The following MLLT11 variants were observed in gnomAD, a reference collection of about 807,000 sequenced individuals.
MLLT11 encodes the protein MLLT11 transcription factor 7 cofactor.
A neutral mutation model predicts 5.3 loss-of-function variants in MLLT11; 1 was observed. The observed-to-expected ratio is 0.19, with a 90% CI of 0.07 to 0.89. The LOEUF (loss-of-function observed/expected upper bound fraction) is 0.89, where lower values mean the gene tolerates loss of function less well. MLLT11 is among the 40% of genes least tolerant of loss of function. The pLI, the probability that MLLT11 is intolerant of heterozygous loss-of-function variation, is 0.67. For missense variants in MLLT11, 87 were observed against 107.3 expected (o/e 0.81, Z 0.83); for synonymous variants, 38 against 41.7 (o/e 0.91, Z 0.34).
chr1:151,065,831 G>C (rs1257668034), intron 1 of MLLT11, among the ~76,000 whole-genome samples: 1 of 152,010 alleles, frequency 6.6e-6, no homozygotes, highest in African/African-American at 2.4e-5. Flanking sequence ...GGAGTTTTTT[G>C]TTTGTTTTGT....
chr1:151,062,507 C>T (rs775731738), intron 1 of MLLT11, among the ~76,000 whole-genome samples: 2 of 151,838 alleles, frequency 1.3e-5, no homozygotes, highest in South Asian at 2.1e-4. Flanking sequence ...GGATTATAGG[C>T]GCCTGCCACC....
chr1:151,066,284 C>A (rs1676475710), intron 1 of MLLT11, among the ~76,000 whole-genome samples: 1 of 152,100 alleles, frequency 6.6e-6, no homozygotes, highest in African/African-American at 2.4e-5. Flanking sequence ...ACCACAGGCA[C>A]AAACCACCAT....
chr1:151,061,452 G>T (rs1676406476), intron 1 of MLLT11, among the ~76,000 whole-genome samples: 1 of 152,196 alleles, frequency 6.6e-6, no homozygotes, highest in Non-Finnish European at 1.5e-5. Context: ...TGCTAATCAT[G>T]TATCTCTAAG....
At chr1:151,061,895 CAT>C (rs1280384826) in intron 1 of MLLT11, among the ~76,000 whole-genome samples, 2 of 152,120 alleles carry the variant, frequency 1.3e-5, no homozygotes. Flanking sequence ...GGGTCAATGA[CAT>C]AGAGATTTTA....
intron 1 of MLLT11, among the ~76,000 whole-genome samples, chr1:151,063,802 C>G (rs1200394691): frequency 2.0e-5 from 3 of 152,170 alleles, no homozygotes; most frequent in African/African-American, 7.2e-5. Flanking sequence ...CCTAAAATAT[C>G]AGGCAGGGCT....
At chr1:151,062,193 T>A (rs587681681) in intron 1 of MLLT11, among the ~76,000 whole-genome samples, 136 of 152,242 alleles carry the variant, frequency 8.9e-4, no homozygotes, top group Non-Finnish European at 1.5e-3. Context: ...AATACTGGTA[T>A]AGGGTTATAT....
rs1000895962 is a variant in MLLT11, at chr1:151,061,342, C to T, written c.-7+789C>T. Among the ~76,000 whole-genome samples the T allele has an allele frequency of 2.6e-5, 4 of 152,178 alleles. 1 individual carries two copies. The highest frequency in any genetic ancestry group is 6.6e-5 in the Admixed American group (1 of 15,266). On this transcript the variant is annotated intron_variant, in intron 1 of 1. Coordinates refer to ENST00000368921, the MANE Select transcript of MLLT11 (RefSeq NM_006818.4). ...ATGGTGGCAGCATGACACAGCAAGG[C>T]CCTGTTGAGTAGGCCTTGGATGCCC...
Position 151,067,507 on chromosome 1 carries a change from T to G in MLLT11, c.*10T>G. 1 of 1,611,204 alleles carries G rather than the reference T, an allele frequency of 6.2e-7. No homozygotes were observed. Among genetic ancestry groups the G allele is most frequent in the Non-Finnish European group, 8.5e-7 (1 of 1,178,408 alleles). ...ACTGGACTTGCTCTAAGGCCAAGAC[T>G]TCTCTCTCCCATCACCTTGCCCTCA... is the stretch of plus-strand genomic sequence containing the variant. On this transcript the variant is annotated 3_prime_UTR_variant, in exon 2 of 2. Transcript: ENST00000368921.
At chr1:151,063,705 G>A (rs141435244) in intron 1 of MLLT11, among the ~76,000 whole-genome samples, 7,657 of 152,266 alleles carry the variant, frequency 0.05, 277 homozygotes, top group Non-Finnish European at 0.076. Flanking sequence ...GATTACAGGC[G>A]TAAGCCACCA....
At chr1:151,065,317 C>T (rs981622108) in intron 1 of MLLT11, among the ~76,000 whole-genome samples, 2 of 152,184 alleles carry the variant, frequency 1.3e-5, no homozygotes, top group Non-Finnish European at 2.9e-5. Context: ...TATTTCATAA[C>T]ATTTGCTTTA....
intron 1 of MLLT11, among the ~76,000 whole-genome samples, chr1:151,062,820 T>C (rs969628014): frequency 2.0e-5 from 3 of 152,200 alleles, no homozygotes; most frequent in Non-Finnish European, 2.9e-5. Context: ...ATAACAGTAT[T>C]GACTCCTAGG....
chr1:151,062,965 T>C (rs1171952203), intron 1 of MLLT11, among the ~76,000 whole-genome samples: 1 of 152,164 alleles, frequency 6.6e-6, no homozygotes, highest in East Asian at 1.9e-4. Flanking sequence ...TTGAGTATCA[T>C]AGGATGATGA....
chr1:151,063,429 A>AT, intron 1 of MLLT11, among the ~76,000 whole-genome samples: 1 of 151,552 alleles, frequency 6.6e-6, no homozygotes, highest in Non-Finnish European at 1.5e-5. Context: ...TTATTTATTT[A>AT]TTATTATTAT....
chr1:151,063,955 A>G (rs1310059557), intron 1 of MLLT11, among the ~76,000 whole-genome samples: 1 of 152,154 alleles, frequency 6.6e-6, no homozygotes, highest in African/African-American at 2.4e-5. Context: ...TCATCAGTAT[A>G]CTCGAGCACT....
chr1:151,060,664 G>A (rs587728051), intron 1 of MLLT11, 111 bp downstream of exon 1: 2 of 151,686 alleles, frequency 1.3e-5, no homozygotes, highest in African/African-American at 4.8e-5. Flanking sequence ...GAGGAGAGAA[G>A]GGGGCGCTAT....
At chr1:151,064,289 G>A (rs1427759463) in intron 1 of MLLT11, among the ~76,000 whole-genome samples, 1 of 152,220 alleles carries the variant, frequency 6.6e-6, no homozygotes, top group Non-Finnish European at 1.5e-5. Flanking sequence ...AAAGTGCTGG[G>A]ATTATAGGCG....
chr1:151,063,402 GCTT>G lies in MLLT11; in HGVS notation c.-7+2853_-7+2855del, dbSNP rs1010602391. Among the ~76,000 whole-genome samples the G allele has an allele frequency of 1.4e-4, 22 of 152,082 alleles. 1 individual carries two copies. Among genetic ancestry groups the G allele is most frequent in the Admixed American group, 1.4e-3 (22 of 15,266 alleles). Reference sequence around the variant, plus strand: ...CTCCTTTGGGAACATTTCAACTAATGCTTCTTTTTTTAATTTTTATTTATTTAT... The same window carrying G: ...CTCCTTTGGGAACATTTCAACTAATGCTTTTTTTAATTTTTATTTATTTAT... On this transcript the variant is annotated intron_variant, in intron 1 of 1. Coordinates refer to ENST00000368921, the MANE Select transcript of MLLT11 (RefSeq NM_006818.4).
intron 1 of MLLT11, among the ~76,000 whole-genome samples, chr1:151,063,681 T>A (rs1676438020): frequency 6.6e-6 from 1 of 152,208 alleles, no homozygotes; most frequent in Non-Finnish European, 1.5e-5. Flanking sequence ...CGCCTCGGCC[T>A]CCCAAAGTGC....
Position 151,067,326 on chromosome 1 carries a change from T to A in MLLT11, c.102T>A (p.Asp34Glu). 8 of 1,614,126 alleles carry A rather than the reference T, an allele frequency of 5.0e-6. No homozygotes were observed. The highest frequency in any genetic ancestry group is 6.8e-6 in the Non-Finnish European group (8 of 1,180,032). ...LSELEGLGLS[D>E]TATYKVKDSS... ...AGCTGGAAGGCCTGGGTCTGTCAGA[T>A]ACAGCCACCTACAAGGTCAAAGACA... The change falls in exon 2 of 2, where the codon GAT becomes GAA. Residue 34 changes from aspartate (D) to glutamate (E), a missense_variant. Coordinates refer to ENST00000368921, the MANE Select transcript of MLLT11 (RefSeq NM_006818.4).
Sources: gnomAD v4.1 joint callset for allele counts (sites outside exome capture counted in the v4.1 genomes callset) on GRCh38, gnomAD v4.1.1 for gene constraint, MANE v1.5 for transcripts, NCBI Gene and HGNC (gene_info 2026-07-23, HGNC 2026-07-21) for gene names.